The following STAG1 variants were observed in gnomAD, a reference collection of about 807,000 sequenced individuals.
STAG1 encodes the protein STAG1 cohesin complex component, also known as cohesin subunit SA-1.
In STAG1, 26 loss-of-function variants were observed where a neutral mutation model predicts 170.9. The observed-to-expected ratio is 0.15, with a 90% confidence interval of 0.11 to 0.21. STAG1 has a LOEUF of 0.21. Ranked by LOEUF, STAG1 falls within the 10% of genes least tolerant of loss-of-function variation. The pLI is 1.00. For synonymous variants in STAG1, 514 were observed against 497.7 expected (o/e 1.03, Z -0.44); for missense variants, 964 against 1,509.5 (o/e 0.64, Z 5.99).
intron 29 of STAG1, 68 bp from the exon 30 acceptor site, chr3:136,344,074 A>T (rs943235473): frequency 7.4e-6 from 9 of 1,209,522 alleles, no homozygotes; most frequent in Non-Finnish European, 1.0e-5. Flanking sequence ...GTCATAGCAT[A>T]GACTTGTGAA....
intron 12 of STAG1, among the ~76,000 whole-genome samples, chr3:136,465,873 A>G (rs1407154264): frequency 6.6e-6 from 1 of 152,124 alleles, no homozygotes; most frequent in Non-Finnish European, 1.5e-5. Context: ...TATAAGACCT[A>G]ATGGTATTTT....
chr3:136,511,372 A>C (rs1164932838), intron 7 of STAG1, among the ~76,000 whole-genome samples: 1 of 152,218 alleles, frequency 6.6e-6, no homozygotes, highest in Non-Finnish European at 1.5e-5. Flanking sequence ...CACTACTCAT[A>C]CTGGTAAAGA....
intron 1 of STAG1, among the ~76,000 whole-genome samples, chr3:136,747,751 C>T (rs1339835113): frequency 2.0e-5 from 3 of 151,700 alleles, no homozygotes; most frequent in Non-Finnish European, 4.4e-5. Flanking sequence ...AAACAAAAGG[C>T]ATCAAAGAAT....
At chr3:136,643,848 A>T (rs1364217889) in intron 1 of STAG1, among the ~76,000 whole-genome samples, 1 of 152,196 alleles carries the variant, frequency 6.6e-6, no homozygotes, top group Non-Finnish European at 1.5e-5. Context: ...ATGTTTGTTT[A>T]CTTAATATGA....
intron 1 of STAG1, among the ~76,000 whole-genome samples, chr3:136,667,160 C>T (rs1310532606): frequency 1.3e-5 from 2 of 151,980 alleles, no homozygotes; most frequent in East Asian, 3.9e-4. Flanking sequence ...AATAACATCA[C>T]CAGTAAACAA....
intron 2 of STAG1, among the ~76,000 whole-genome samples, chr3:136,628,475 G>T (rs970357167): frequency 6.6e-6 from 1 of 152,058 alleles, no homozygotes; most frequent in Non-Finnish European, 1.5e-5. Flanking sequence ...AAAAAGGGGT[G>T]GGGGGAGGCT....
chr3:136,714,537 C>T (rs1043897054), intron 1 of STAG1, among the ~76,000 whole-genome samples: 3 of 151,406 alleles, frequency 2.0e-5, no homozygotes, highest in Non-Finnish European at 2.9e-5. Context: ...GACCATCCTG[C>T]CTAACATGAT....
At chr3:136,364,668 A>G (rs539165763) in intron 25 of STAG1, among the ~76,000 whole-genome samples, 5 of 152,354 alleles carry the variant, frequency 3.3e-5, no homozygotes, top group African/African-American at 1.2e-4. Flanking sequence ...AGTGACTGGG[A>G]AAAGTTATAA....
intron 1 of STAG1, among the ~76,000 whole-genome samples, chr3:136,657,872 G>A (rs1260104984): frequency 1.3e-5 from 2 of 152,130 alleles, no homozygotes; most frequent in African/African-American, 4.8e-5. Flanking sequence ...GCACTAGAAT[G>A]CAATAGTAGC....
At chr3:136,351,921 C>G (rs533639283) in intron 28 of STAG1, among the ~76,000 whole-genome samples, 1 of 152,074 alleles carries the variant, frequency 6.6e-6, no homozygotes, top group Non-Finnish European at 1.5e-5. Context: ...CTTATGCTAA[C>G]CCAGGGGTGA....
chr3:136,462,019 T>C (rs1013218396), intron 13 of STAG1, among the ~76,000 whole-genome samples: 1 of 152,082 alleles, frequency 6.6e-6, no homozygotes, highest in African/African-American at 2.4e-5. Context: ...TCATTTTCAA[T>C]AGCTATTATC....
chr3:136,477,231 G>C (rs531674943), intron 10 of STAG1, 58 bp downstream of exon 10: 1 of 1,499,194 alleles, frequency 6.7e-7, no homozygotes, highest in Non-Finnish European at 8.9e-7. Flanking sequence ...TTGATTCCCA[G>C]CATTTTAGTA....
intron 5 of STAG1, among the ~76,000 whole-genome samples, chr3:136,555,149 A>C (rs1382376765): frequency 6.7e-6 from 1 of 148,794 alleles, no homozygotes; most frequent in Non-Finnish European, 1.5e-5. Context: ...TATTATAAAC[A>C]ACTTTATAAA....
At chr3:136,421,191 T>G in intron 19 of STAG1, 28 bp from the exon 20 acceptor site, 1 of 1,495,940 alleles carries the variant, frequency 6.7e-7, no homozygotes, top group Non-Finnish European at 9.2e-7. Context: ...ATCACATCAT[T>G]ACAACTTTAC....
At position 136,377,671 on chromosome 3, in the gene STAG1, C is replaced by A. The variant is rs760764098; in HGVS notation, c.2359G>T (p.Val787Leu). The A allele has an allele frequency of 1.2e-6, 2 of 1,613,352 alleles. No homozygotes were observed. Among genetic ancestry groups the A allele is most frequent in the Admixed American group, 1.7e-5 (1 of 59,986 alleles). ...TGATAATTTCTTACCTGTTCTTTCA[C>A]TGGAGTATTAACATTAGACAGGCAC... is the stretch of plus-strand genomic sequence containing the variant. ...QQCLSNVNTP[V>L]KEQAFMLLCD... The change falls in exon 23 of 34, where the codon GTG (valine) becomes TTG (leucine). Residue 787 changes from valine to leucine, a missense_variant. Transcript: ENST00000383202.
At chr3:136,654,215 C>A (rs1941301894) in intron 1 of STAG1, among the ~76,000 whole-genome samples, 1 of 152,078 alleles carries the variant, frequency 6.6e-6, no homozygotes, top group South Asian at 2.1e-4. Context: ...TCTGTTCAGA[C>A]AACATAATCC....
At chr3:136,716,922 A>G (rs1352002610) in intron 1 of STAG1, among the ~76,000 whole-genome samples, 2 of 152,248 alleles carry the variant, frequency 1.3e-5, no homozygotes, top group African/African-American at 4.8e-5. Context: ...GAGGATAACA[A>G]TACATATCTT....
At position 136,585,423 on chromosome 3, in the gene STAG1, C is replaced by T. The variant is rs151021189; in HGVS notation, c.298-16562G>A. Among the ~76,000 whole-genome samples the T allele has an allele frequency of 2.6e-5, 4 of 152,120 alleles. No homozygotes were observed. The East Asian group carries it at 7.7e-4, about 29-fold the overall frequency. ...CGCCGCTGCACTACAGCCTGGGCGA[C>T]AGAGTGAGACTCCATCTCAAAACAA... On this transcript the variant is annotated intron_variant, in intron 4 of 33. Coordinates refer to ENST00000383202, the MANE Select transcript of STAG1 (RefSeq NM_005862.3).
chr3:136,358,689 C>T (rs886173989), intron 27 of STAG1, among the ~76,000 whole-genome samples: 3 of 152,152 alleles, frequency 2.0e-5, no homozygotes, highest in African/African-American at 4.8e-5. Flanking sequence ...ATCCTCCTGG[C>T]TCAGCTTCCC....
Sources: allele counts gnomAD v4.1 joint callset (sites outside exome capture counted in the v4.1 genomes callset), GRCh38; gene constraint gnomAD v4.1.1; transcripts MANE v1.5; gene names NCBI Gene and HGNC (gene_info 2026-07-23, HGNC 2026-07-21).